ATF7IP: variants seen among roughly 807,000 people sequenced by gnomAD.
The protein encoded by ATF7IP is activating transcription factor 7 interacting protein.
A neutral mutation model predicts 106.4 loss-of-function variants in ATF7IP; 23 were observed. The observed-to-expected ratio is 0.22, with a 90% CI of 0.16 to 0.31. The LOEUF (loss-of-function observed/expected upper bound fraction) is 0.31, where lower values mean the gene tolerates loss of function less well. Ranked by LOEUF, ATF7IP falls within the 10% of genes least tolerant of loss-of-function variation. The pLI is 1.00. For missense variants in ATF7IP, 1,334 were observed against 1,524.3 expected, an observed-to-expected ratio of 0.88 and a Z score of 2.08; for synonymous variants, 542 against 539.0, an observed-to-expected ratio of 1.01 and a Z score of -0.08.
At chr12:14,371,125 G>T (rs920602667) in intron 1 of ATF7IP, among the ~76,000 whole-genome samples, 2 of 151,596 alleles carry the variant, frequency 1.3e-5, no homozygotes, top group African/African-American at 4.8e-5. Context: ...AGATTATCTT[G>T]ATTAATAAGG....
Position 14,416,819 on chromosome 12 carries a change from G to T in ATF7IP, c.-7-7090G>T, listed in dbSNP as rs145112209. The T allele has an allele frequency of 3.0e-3, 2,236 of 742,370 alleles. 18 individuals are homozygous for T. Among genetic ancestry groups the T allele is most frequent in the African/African-American group, 0.027 (1,432 of 52,462 alleles). 46.0% of individuals were successfully genotyped at this position (742,370 alleles called of 1,614,324 possible). ...GTCTGATTGGTTTTAGACTATTTCG[G>T]CTTTGAGCCAATCAGACAGTGAATT... On this transcript the variant is annotated intron_variant, in intron 1 of 14. Coordinates refer to ENST00000261168, the MANE Select transcript of ATF7IP (RefSeq NM_018179.5).
chr12:14,496,923 A>G (rs2136881603), intron 14 of ATF7IP, among the ~76,000 whole-genome samples: 1 of 152,312 alleles, frequency 6.6e-6, no homozygotes, highest in Admixed American at 6.5e-5. Flanking sequence ...GGACTTCCTA[A>G]AGTTAGAGTC....
chr12:14,413,739 TTC>T (rs2136508543), intron 1 of ATF7IP, among the ~76,000 whole-genome samples: 1 of 152,282 alleles, frequency 6.6e-6, no homozygotes, highest in East Asian at 1.9e-4. Context: ...AAGCATCAGT[TTC>T]TTTTTCTCCT....
intron 12 of ATF7IP, among the ~76,000 whole-genome samples, chr12:14,479,590 CAA>C (rs1944369127): frequency 6.6e-6 from 1 of 152,114 alleles, no homozygotes; most frequent in Non-Finnish European, 1.5e-5. Flanking sequence ...AGTGATTTAG[CAA>C]ACTATTTGTT....
At chr12:14,387,107 C>T (rs1939280031) in intron 1 of ATF7IP, among the ~76,000 whole-genome samples, 1 of 152,092 alleles carries the variant, frequency 6.6e-6, no homozygotes, top group African/African-American at 2.4e-5. Context: ...ACTTTAGTCA[C>T]TACATTGTAA....
At chr12:14,442,321 T>C (rs768010942) in intron 5 of ATF7IP, among the ~76,000 whole-genome samples, 3 of 151,566 alleles carry the variant, frequency 2.0e-5, no homozygotes, top group Non-Finnish European at 2.9e-5. Flanking sequence ...GAGGGAAATA[T>C]GTTTTTTTGG....
rs775315963 is a variant in ATF7IP, at chr12:14,436,149, C to G, written c.1689C>G (p.Asp563Glu). The G allele has an allele frequency of 6.2e-7, 1 of 1,613,400 alleles. No individual in the cohort carries two copies. The highest frequency in any genetic ancestry group is 2.2e-5 in the East Asian group (1 of 44,788). The change falls in exon 4 of 15, where the codon GAC (aspartate) becomes GAG (glutamate). Residue 563 changes from aspartate (D) to glutamate (E), a missense_variant. Physicochemically the swap from Asp to Glu is conservative, Grantham distance 45 (BLOSUM62 2). Around this residue, in one of 10 missense-constraint regions of ATF7IP, gnomAD observed 119 missense variants for 117.8 expected, o/e 1.01. Coordinates refer to ENST00000261168, the MANE Select transcript of ATF7IP (RefSeq NM_018179.5). The stretch of plus-strand genomic sequence containing the variant: ...AACGTTCTAAATCAGAAGACATGGA[C>G]AATGTACAGTCTAAACGTCGTCGAT... ...RRKRSKSEDMDNVQSKRRRYM... is the reference protein window; with the variant it reads ...RRKRSKSEDMENVQSKRRRYM...
chr12:14,383,761 T>G (rs1361037014), intron 1 of ATF7IP, among the ~76,000 whole-genome samples: 1 of 152,140 alleles, frequency 6.6e-6, no homozygotes, highest in East Asian at 1.9e-4. Flanking sequence ...GAGATCTCGC[T>G]TTGTTGGCCA....
chr12:14,448,977 T>C (rs1043887013), intron 6 of ATF7IP, among the ~76,000 whole-genome samples: 3 of 152,214 alleles, frequency 2.0e-5, no homozygotes, highest in African/African-American at 7.2e-5. Flanking sequence ...TCGGGTTCAT[T>C]GCCTATTTTT....
intron 13 of ATF7IP, chr12:14,481,731 C>T (rs1052315479): frequency 2.1e-5 from 6 of 280,444 alleles, no homozygotes; most frequent in Admixed American, 9.5e-5. Context: ...GGTATATTCT[C>T]TACTCTATTA....
chr12:14,456,426 C>G, intron 6 of ATF7IP, 135 bp from the exon 7 acceptor site: 1 of 585,660 alleles, frequency 1.7e-6, no homozygotes. Flanking sequence ...ATTATTGTCT[C>G]AGCTGGCAAT....
At position 14,422,312 on chromosome 12, in the gene ATF7IP, T is replaced by TACACACAC. The variant is rs59503201; in HGVS notation, c.-7-1559_-7-1552dup. Among the ~76,000 whole-genome samples, 393 of 142,334 alleles carry TACACACAC rather than the reference T, an allele frequency of 2.8e-3. 1 individual carries two copies. Among genetic ancestry groups the TACACACAC allele is most frequent in the African/African-American group, 7.2e-3 (277 of 38,378 alleles). The allele number at this position is 142,334 out of a possible 152,430, so 93.4% of individuals were successfully genotyped here. Reference sequence around the variant, plus strand: ...AGCACAACTTACCAAAAAAAGAGAATACACACACACACACACACACACACA... The same window carrying TACACACAC: ...AGCACAACTTACCAAAAAAAGAGAATACACACACACACACACACACACACACACACACA... On this transcript the variant is annotated intron_variant, in intron 1 of 14. Coordinates refer to ENST00000261168, the MANE Select transcript of ATF7IP (RefSeq NM_018179.5).
chr12:14,365,998 C>T (rs1270622260), intron 1 of ATF7IP, among the ~76,000 whole-genome samples, 171 bp downstream of exon 1: 1 of 152,204 alleles, frequency 6.6e-6, no homozygotes, highest in African/African-American at 2.4e-5. Flanking sequence ...GGGTCGGGCT[C>T]TAGCTGCAGT....
intron 1 of ATF7IP, among the ~76,000 whole-genome samples, chr12:14,408,116 G>GCACACACACA (rs56229725): frequency 9.0e-4 from 134 of 149,094 alleles, no homozygotes; most frequent in African/African-American, 1.8e-3. Context: ...ATATTGATGT[G>GCACACACACA]CACACACACA....
chr12:14,392,645 G>A (rs1266505266), intron 1 of ATF7IP, among the ~76,000 whole-genome samples: 1 of 152,094 alleles, frequency 6.6e-6, no homozygotes, highest in Non-Finnish European at 1.5e-5. Context: ...ATGAGAGAAG[G>A]TTGCAAATAC....
intron 3 of ATF7IP, 93 bp from the exon 4 acceptor site, chr12:14,436,013 T>C (rs769852559): frequency 1.5e-6 from 2 of 1,292,904 alleles, no homozygotes; most frequent in South Asian, 2.7e-5. Context: ...AAGGCTATTA[T>C]GATAGAAATA....
At chr12:14,439,211 A>G (rs949722892) in intron 5 of ATF7IP, among the ~76,000 whole-genome samples, 1 of 152,172 alleles carries the variant, frequency 6.6e-6, no homozygotes, top group African/African-American at 2.4e-5. Flanking sequence ...AAGTAAGTGT[A>G]TGGTTCCTAT....
intron 1 of ATF7IP, among the ~76,000 whole-genome samples, chr12:14,386,485 A>G (rs1021814455): frequency 1.3e-5 from 2 of 152,160 alleles, no homozygotes; most frequent in African/African-American, 4.8e-5. Flanking sequence ...TAGAACAGTA[A>G]GTTCTAAACT....
At chr12:14,478,127 A>G (rs541784020) in intron 11 of ATF7IP, among the ~76,000 whole-genome samples, 190 bp from the exon 12 acceptor site, 1 of 152,334 alleles carries the variant, frequency 6.6e-6, no homozygotes, top group African/African-American at 2.4e-5. Context: ...CCACCAGCAA[A>G]TTACATATGC....
Sources: allele counts gnomAD v4.1 joint callset (sites outside exome capture counted in the v4.1 genomes callset), GRCh38; gene constraint gnomAD v4.1.1; regional missense constraint gnomAD v4.1.1; transcripts MANE v1.5; gene names NCBI Gene and HGNC (gene_info 2026-07-23, HGNC 2026-07-21).